Variants in ABCB11 observed in about 807,000 individuals in gnomAD.
ABCB11 encodes the protein ATP binding cassette subfamily B member 11.
ABCB11 carries 95 observed loss-of-function variants against 148.0 expected under a neutral mutation model. The observed-to-expected ratio is 0.64, with a 90% confidence interval of 0.54 to 0.76. The LOEUF (loss-of-function observed/expected upper bound fraction) is 0.76. Among genes scored for constraint, ABCB11 ranks in the 30% least tolerant of loss-of-function variants. The pLI, the probability that ABCB11 is intolerant of heterozygous loss-of-function variation, is 0.00. For synonymous variants in ABCB11, 591 were observed against 555.4 expected (o/e 1.06, Z -0.90); for missense variants, 1,523 against 1,617.8 (o/e 0.94, Z 1.01).
At chr2:169,022,501 T>C (rs1201182771) in intron 1 of ABCB11, among the ~76,000 whole-genome samples, 1 of 151,924 alleles carries the variant, frequency 6.6e-6, no homozygotes, top group Non-Finnish European at 1.5e-5. Context: ...AATTTGTTTA[T>C]AAAGGAATAG....
chr2:168,977,146 A>G (rs1693946068), intron 11 of ABCB11, among the ~76,000 whole-genome samples: 1 of 148,470 alleles, frequency 6.7e-6, no homozygotes, highest in Non-Finnish European at 1.5e-5. Context: ...TAAATGTATA[A>G]CATATGTTAA....
intron 11 of ABCB11, 41 bp from the exon 12 acceptor site, chr2:168,976,728 T>G (rs759379331): frequency 9.2e-6 from 11 of 1,200,318 alleles, no homozygotes; most frequent in South Asian, 2.5e-5. Context: ...AAACTCAAAC[T>G]AAGATGCACA....
At chr2:168,997,984 C>G (rs918639396) in intron 5 of ABCB11, among the ~76,000 whole-genome samples, 6 of 151,928 alleles carry the variant, frequency 3.9e-5, no homozygotes, top group African/African-American at 1.4e-4. Flanking sequence ...TTCTGACAAC[C>G]TCAAAACCAG....
Position 168,975,636 on chromosome 2 carries a change from CAT to C in ABCB11, c.1308+939_1308+940del, listed in dbSNP as rs1166852458. Among the ~76,000 whole-genome samples, 12 of 71,328 alleles carry C rather than the reference CAT, an allele frequency of 1.7e-4. 2 individuals carry two copies. The highest frequency in any genetic ancestry group is 1.5e-3 in the Admixed American group (12 of 7,812). 46.8% of individuals were successfully genotyped at this position (71,328 alleles called of 152,430 possible). A position where few individuals can be genotyped will look rare whatever the true frequency, so the allele number is the denominator to read the frequency against. On this transcript the variant is annotated intron_variant, in intron 12 of 27. Transcript: ENST00000650372. ...ATATTTATAGATAAATATATATTTA[CAT>C]ATATATGTATTATATATTACAAATA...
rs752906562 is a variant in ABCB11 at position 168,943,549 on chromosome 2, T to G, written c.2610+1056A>C. Among the ~76,000 whole-genome samples the G allele has an allele frequency of 1.8e-4, 27 of 152,138 alleles. No individual in the cohort carries two copies. The Middle Eastern group carries it at 0.017, about 96-fold the overall frequency. On this transcript the variant is annotated intron_variant, in intron 21 of 27. Transcript: ENST00000650372. ...ACATAATTATGAAAATATGTTCACCTTAGATTATTTCAGGGGAAACAAGAA... is the reference window on the plus strand; with the variant it reads ...ACATAATTATGAAAATATGTTCACCGTAGATTATTTCAGGGGAAACAAGAA...
chr2:168,964,612 A>G (rs1263203276), intron 17 of ABCB11, among the ~76,000 whole-genome samples: 1 of 151,748 alleles, frequency 6.6e-6, no homozygotes, highest in Non-Finnish European at 1.5e-5. Flanking sequence ...AAACCACCTA[A>G]GGCTCAAATA....
chr2:168,985,980 G>A, intron 10 of ABCB11, 130 bp downstream of exon 10: 1 of 809,094 alleles, frequency 1.2e-6, no homozygotes. Context: ...TGTTTCCACA[G>A]ACAGACTCCA....
Position 168,923,786 on chromosome 2 carries a change from G to A in ABCB11, c.3802C>T (p.Arg1268Trp), listed in dbSNP as rs555881834. Residue 1268 changes from arginine to tryptophan, a missense_variant, in exon 28 of 28, where the codon CGG becomes TGG. By Grantham distance (101) the Arg-to-Trp change is moderately radical (BLOSUM62 -3). Transcript: ENST00000650372. ...CGATGGGCAATGACAATGCAGGTCCGACCCTCTCTGGCTTTGTCTAGAGCA... is the reference window on the plus strand; with the variant it reads ...CGATGGGCAATGACAATGCAGGTCCAACCCTCTCTGGCTTTGTCTAGAGCA... ...QVALDKAREG[R>W]TCIVIAHRLS... 7 of 1,613,896 alleles carry A rather than the reference G, an allele frequency of 4.3e-6. No individual in the cohort carries two copies. Among genetic ancestry groups the A allele is most frequent in the African/African-American group, 1.3e-5 (1 of 75,000 alleles).
At chr2:168,935,904 C>T (rs1308585057) in intron 22 of ABCB11, among the ~76,000 whole-genome samples, 1 of 152,138 alleles carries the variant, frequency 6.6e-6, no homozygotes, top group African/African-American at 2.4e-5. Context: ...AAAAGCTTCA[C>T]GGCCAGAAAA....
At chr2:169,012,145 A>G (rs759428698) in intron 5 of ABCB11, among the ~76,000 whole-genome samples, 16 of 152,208 alleles carry the variant, frequency 1.1e-4, no homozygotes, top group Non-Finnish European at 2.1e-4. Context: ...AAGCCTATAG[A>G]AAATTTCAAA....
rs191951398 is a variant in ABCB11 at position 169,006,575 on chromosome 2, A to C, written c.389+6697T>G. Among the ~76,000 whole-genome samples, 122 of 152,170 alleles carry C rather than the reference A, an allele frequency of 8.0e-4. 2 individuals are homozygous for C. The highest frequency in any genetic ancestry group is 3.4e-3 in the Middle Eastern group (1 of 294). On this transcript the variant is annotated intron_variant, in intron 5 of 27. Transcript: ENST00000650372. ...CAATAAGATAAAATAAAATAAAATA[A>C]AATAAAATAAAAAAGGCAGCTAGAT...
chr2:169,031,188 G>A (rs1314400593), intron 1 of ABCB11, 37 bp downstream of exon 1: 2 of 152,334 alleles, frequency 1.3e-5, no homozygotes, highest in East Asian at 3.9e-4. Flanking sequence ...AAAGGGAAGA[G>A]GGAATGGATT....
Position 168,947,468 on chromosome 2 carries a change from G to A in ABCB11, c.2344-2507C>T, listed in dbSNP as rs563261117. Reference sequence around the variant, plus strand: ...ACAAATTACGCCTTACATGTATATTGAGGCTTAGCTAGATTGGCAACTGGG... The same window carrying A: ...ACAAATTACGCCTTACATGTATATTAAGGCTTAGCTAGATTGGCAACTGGG... On this transcript the variant is annotated intron_variant, in intron 19 of 27. Transcript: ENST00000650372. Among the ~76,000 whole-genome samples, 2 of 151,710 alleles carry A rather than the reference G, an allele frequency of 1.3e-5. 1 individual carries two copies. Among genetic ancestry groups the A allele is most frequent in the African/African-American group, 4.8e-5 (2 of 41,462 alleles).
intron 5 of ABCB11, among the ~76,000 whole-genome samples, chr2:169,007,667 T>A (rs1168835264): frequency 6.6e-6 from 1 of 152,072 alleles, no homozygotes; most frequent in Non-Finnish European, 1.5e-5. Context: ...AAGAATAAAC[T>A]AGACATCACC....
chr2:169,015,791 T>C (rs950513457), intron 3 of ABCB11, among the ~76,000 whole-genome samples: 2 of 152,132 alleles, frequency 1.3e-5, no homozygotes, highest in Non-Finnish European at 2.9e-5. Context: ...GTTTATTATA[T>C]CTCCCTCACT....
At chr2:168,990,167 T>C (rs1309004689) in intron 9 of ABCB11, among the ~76,000 whole-genome samples, 1 of 152,112 alleles carries the variant, frequency 6.6e-6, no homozygotes, top group African/African-American at 2.4e-5. Flanking sequence ...TGGAAGAATT[T>C]GAGGAGGACT....
rs77543890 is a variant in ABCB11 at position 169,007,144 on chromosome 2, T to G, written c.389+6128A>C. 9.4e-3 allele frequency among the ~76,000 whole-genome samples: 1,436 copies of G among 152,258 alleles called. 25 individuals carry two copies. Among genetic ancestry groups the G allele is most frequent in the African/African-American group, 0.031 (1,274 of 41,552 alleles). On this transcript the variant is annotated intron_variant, in intron 5 of 27. Transcript: ENST00000650372. ...TAATCAAAACAGTGTGTTACTGGCA[T>G]AAAGATAGATGTGTAGGTCAATGGA...
chr2:168,955,634 C>T (rs922483246), intron 19 of ABCB11, among the ~76,000 whole-genome samples: 3 of 151,352 alleles, frequency 2.0e-5, no homozygotes, highest in South Asian at 2.1e-4. Context: ...CATATCATTC[C>T]GCCCCTGACC....
chr2:168,987,986 A>G (rs1033126296), intron 9 of ABCB11, among the ~76,000 whole-genome samples: 1 of 151,522 alleles, frequency 6.6e-6, no homozygotes, highest in Non-Finnish European at 1.5e-5. Context: ...TCACATACTT[A>G]TATTGTGTGT....
Sources: allele counts gnomAD v4.1 joint callset (sites outside exome capture counted in the v4.1 genomes callset), GRCh38; gene constraint gnomAD v4.1.1; transcripts MANE v1.5; gene names NCBI Gene and HGNC (gene_info 2026-07-23, HGNC 2026-07-21).